CHN2: variants seen among roughly 807,000 people sequenced by gnomAD.
CHN2 encodes the protein beta-chimaerin.
In CHN2, 35 loss-of-function variants were observed where a neutral mutation model predicts 56.3. The ratio of observed to expected loss-of-function variants is 0.62; its 90% CI spans 0.47 to 0.82. CHN2 has a LOEUF of 0.82. Among genes scored for constraint, CHN2 ranks in the 40% least tolerant of loss-of-function variants. The pLI is 0.00. For synonymous variants in CHN2, 210 were observed against 212.8 expected, an observed-to-expected ratio of 0.99 and a Z score of 0.12; for missense variants, 491 against 580.5, an observed-to-expected ratio of 0.85 and a Z score of 1.58.
intron 4 of CHN2, among the ~76,000 whole-genome samples, chr7:29,394,178 G>T (rs918604690): frequency 3.3e-5 from 5 of 152,106 alleles, no homozygotes; most frequent in African/African-American, 1.2e-4. Flanking sequence ...ATATCTCTTG[G>T]CTCGGGTGTA....
At chr7:29,227,372 G>A in intron 1 of CHN2, among the ~76,000 whole-genome samples, 1 of 152,188 alleles carries the variant, frequency 6.6e-6, no homozygotes, top group East Asian at 1.9e-4. Flanking sequence ...GTTCTAGAGG[G>A]ATGGACGTAC....
intron 1 of CHN2, among the ~76,000 whole-genome samples, chr7:29,287,284 G>A (rs1002339050): frequency 6.6e-6 from 1 of 152,188 alleles, no homozygotes; most frequent in African/African-American, 2.4e-5. Flanking sequence ...AGGAAGTGGG[G>A]ATCTGAAAGA....
intron 2 of CHN2, among the ~76,000 whole-genome samples, chr7:29,159,846 C>T (rs245905): frequency 0.63 from 95,780 of 152,050 alleles, 30,628 homozygotes; most frequent in East Asian, 0.75. Context: ...TGATTTGTCT[C>T]AACTAGTGTA....
In CHN2 at chr7:29,419,016, G is replaced by C. The variant is rs9648361; in HGVS notation, c.576+18188G>C. On this transcript the variant is annotated intron_variant, in intron 6 of 12. Coordinates refer to ENST00000222792, the MANE Select transcript of CHN2 (RefSeq NM_004067.4). The stretch of plus-strand genomic sequence containing the variant: ...GGGCCAGTCAGGATGACTTCTCAGC[G>C]TACCAGTATGCAGTGGGCACATGGT... Among the ~76,000 whole-genome samples the C allele has an allele frequency of 1.6e-3, 242 of 152,102 alleles. 3 individuals carry two copies. Among genetic ancestry groups the C allele is most frequent in the African/African-American group, 5.7e-3 (236 of 41,488 alleles).
intron 1 of CHN2, among the ~76,000 whole-genome samples, chr7:29,341,411 C>T (rs986224): frequency 0.24 from 37,181 of 152,008 alleles, 4,917 homozygotes; most frequent in Non-Finnish European, 0.3. Flanking sequence ...GTGCCAGTTG[C>T]GAGAAATGAC....
chr7:29,450,200 A>G (rs1468286522), intron 6 of CHN2, among the ~76,000 whole-genome samples: 1 of 152,210 alleles, frequency 6.6e-6, no homozygotes, highest in African/African-American at 2.4e-5. Flanking sequence ...ACGAAGCTCA[A>G]ATTAACACTA....
intron 6 of CHN2, among the ~76,000 whole-genome samples, chr7:29,472,146 T>C (rs1474687642): frequency 6.6e-6 from 1 of 152,116 alleles, no homozygotes; most frequent in East Asian, 1.9e-4. Flanking sequence ...TTCTAGTTTT[T>C]TCTCTTCCCA....
chr7:29,466,457 G>T (rs1785561294), intron 6 of CHN2, among the ~76,000 whole-genome samples: 1 of 152,048 alleles, frequency 6.6e-6, no homozygotes, highest in African/African-American at 2.4e-5. Context: ...AAAACTTTTA[G>T]TTCTCTTGGC....
intron 2 of CHN2, among the ~76,000 whole-genome samples, chr7:29,159,749 C>T (rs776744315): frequency 6.6e-6 from 1 of 152,172 alleles, no homozygotes; most frequent in Non-Finnish European, 1.5e-5. Flanking sequence ...CCTGTCTCTT[C>T]TTCAAAGCAC....
At chr7:29,230,720 T>G (rs1435586509) in intron 1 of CHN2, among the ~76,000 whole-genome samples, 5 of 152,216 alleles carry the variant, frequency 3.3e-5, no homozygotes, top group Non-Finnish European at 7.3e-5. Context: ...TTTTACATAT[T>G]TAAAGATGAT....
At chr7:29,411,932 G>A (rs949357415) in intron 6 of CHN2, among the ~76,000 whole-genome samples, 2 of 152,040 alleles carry the variant, frequency 1.3e-5, no homozygotes, top group Non-Finnish European at 2.9e-5. Context: ...CATTTAAGTC[G>A]GCAGCTGCTA....
At chr7:29,168,777 A>C (rs1796238326) in intron 2 of CHN2, among the ~76,000 whole-genome samples, 1 of 152,238 alleles carries the variant, frequency 6.6e-6, no homozygotes, top group African/African-American at 2.4e-5. Context: ...AAGCACTAGA[A>C]GTAATTTAGT....
chr7:29,222,064 A>G (rs766198994), intron 1 of CHN2, among the ~76,000 whole-genome samples: 1 of 152,208 alleles, frequency 6.6e-6, no homozygotes, highest in African/African-American at 2.4e-5. Context: ...CTATACACAA[A>G]TAACAGGCAA....
intron 6 of CHN2, among the ~76,000 whole-genome samples, chr7:29,452,080 G>A (rs1784446765): frequency 6.6e-6 from 1 of 152,250 alleles, no homozygotes; most frequent in Non-Finnish European, 1.5e-5. Context: ...ATGCCCTGCT[G>A]TTGCCTTCTT....
chr7:29,284,296 C>T (rs934605867), intron 1 of CHN2, among the ~76,000 whole-genome samples: 3 of 151,834 alleles, frequency 2.0e-5, no homozygotes, highest in Non-Finnish European at 4.4e-5. Context: ...GGTTTCACCA[C>T]GTTGGCCAGG....
At chr7:29,228,968 A>C (rs1352423769) in intron 1 of CHN2, among the ~76,000 whole-genome samples, 1 of 152,168 alleles carries the variant, frequency 6.6e-6, no homozygotes, top group Non-Finnish European at 1.5e-5. Flanking sequence ...TTCTGAGCAG[A>C]GTGACATGCT....
intron 1 of CHN2, among the ~76,000 whole-genome samples, chr7:29,226,801 T>C (rs1786236631): frequency 6.6e-6 from 1 of 152,168 alleles, no homozygotes. Context: ...TATTGTAAGG[T>C]TTTTTGATAA....
chr7:29,227,648 A>G lies in CHN2; in HGVS notation c.49+32658A>G, dbSNP rs553096499. 3.3e-5 allele frequency among the ~76,000 whole-genome samples: 5 copies of G among 152,290 alleles called. No individual in the cohort carries two copies. In the East Asian group the frequency reaches 9.7e-4, roughly 29 times the overall value. ...TGCTGTCACCTGCCTGGGACCCGAG[A>G]TAGACCACACACCTGTGGAGGCAGA... On this transcript the variant is annotated intron_variant, in intron 1 of 12. Coordinates refer to ENST00000222792, the MANE Select transcript of CHN2 (RefSeq NM_004067.4).
At chr7:29,425,546 GT>G (rs1478979185) in intron 6 of CHN2, among the ~76,000 whole-genome samples, 1 of 152,172 alleles carries the variant, frequency 6.6e-6, no homozygotes, top group Non-Finnish European at 1.5e-5. Flanking sequence ...TTAGAAGCTG[GT>G]TTCCACTTAT....
Sources: gnomAD v4.1 joint callset for allele counts (sites outside exome capture counted in the v4.1 genomes callset) on GRCh38, gnomAD v4.1.1 for gene constraint, MANE v1.5 for transcripts, NCBI Gene and HGNC (gene_info 2026-07-23, HGNC 2026-07-21) for gene names.